Variants in AGAP1 observed in about 807,000 individuals in gnomAD.
AGAP1 encodes ArfGAP with GTPase domain, ankyrin repeat and PH domain 1.
AGAP1 carries 29 observed loss-of-function variants against 105.3 expected under a neutral mutation model. The ratio of observed to expected loss-of-function variants is 0.28; its 90% confidence interval spans 0.21 to 0.38. The LOEUF (loss-of-function observed/expected upper bound fraction) is 0.38, where lower values mean the gene tolerates loss of function less well. Ranked by LOEUF, AGAP1 falls within the 10% of genes least tolerant of loss-of-function variation. The probability of loss-of-function intolerance (pLI) is 1.00; values close to 1 mark genes in which losing one functional copy is unlikely to be tolerated. For synonymous variants in AGAP1, 509 were observed against 485.9 expected, an observed-to-expected ratio of 1.05 and a Z score of -0.63; for missense variants, 998 against 1,165.1, an observed-to-expected ratio of 0.86 and a Z score of 2.09.
intron 6 of AGAP1, chr2:235,774,152 T>G: frequency 2.6e-6 from 1 of 380,182 alleles, no homozygotes. Flanking sequence ...AAAATTCAAC[T>G]CATAAATAAA....
Position 235,732,939 on chromosome 2 carries a change from T to C in AGAP1, c.311-8024T>C, listed in dbSNP as rs1952034937. ...GCCCCAGGGGTGTTGGGGGCATCTTTCGAGTCTCACTGCCCACGCTGTGGG... is the reference window on the plus strand; with the variant it reads ...GCCCCAGGGGTGTTGGGGGCATCTTCCGAGTCTCACTGCCCACGCTGTGGG... On this transcript the variant is annotated intron_variant, in intron 3 of 17. Coordinates refer to ENST00000304032, the MANE Select transcript of AGAP1 (RefSeq NM_001037131.3). This position sits in a 1 kb window ranked among gnomAD's most constrained non-coding sequence, Gnocchi z 4.8. 6.6e-6 allele frequency among the ~76,000 whole-genome samples: 1 copy of C among 152,162 alleles called. No homozygotes were observed. Among genetic ancestry groups the C allele is most frequent in the Non-Finnish European group, 1.5e-5 (1 of 68,024 alleles).
chr2:235,680,145 C>T (rs1211002455), intron 1 of AGAP1, among the ~76,000 whole-genome samples: 1 of 152,178 alleles, frequency 6.6e-6, no homozygotes, highest in Non-Finnish European at 1.5e-5. Context: ...GGAGCTGGCC[C>T]CCTGGCTGAC....
intron 6 of AGAP1, among the ~76,000 whole-genome samples, chr2:235,767,365 A>G (rs930397697): frequency 1.3e-5 from 2 of 152,226 alleles, no homozygotes; most frequent in African/African-American, 2.4e-5. Context: ...GGTTGGGCGC[A>G]GGCTTCTCGT....
Position 235,897,963 on chromosome 2 carries a change from A to G in AGAP1, c.1156-10775A>G, listed in dbSNP as rs904436354. Among the ~76,000 whole-genome samples, 4 of 152,166 alleles carry G rather than the reference A, an allele frequency of 2.6e-5. 1 individual carries two copies. Among genetic ancestry groups the G allele is most frequent in the Middle Eastern group, 6.3e-3 (2 of 316 alleles). ...ACCAATCAAGGTGCGATTTATGTTC[A>G]TTAAGTGCTTGTCAAAACTGAAAAA... On this transcript the variant is annotated intron_variant, in intron 10 of 17. Coordinates refer to ENST00000304032, the MANE Select transcript of AGAP1 (RefSeq NM_001037131.3).
At chr2:235,857,398 T>TG (rs1361670778) in intron 9 of AGAP1, among the ~76,000 whole-genome samples, 1 of 152,132 alleles carries the variant, frequency 6.6e-6, no homozygotes, top group Non-Finnish European at 1.5e-5. Context: ...CCAAAAAGGT[T>TG]GGGGGCCGCT....
In AGAP1 at chr2:236,049,301, C is replaced by G. The variant is rs759187819; in HGVS notation, c.2114+20C>G. 22 of 1,598,618 alleles carry G rather than the reference C, an allele frequency of 1.4e-5. No individual in the cohort carries two copies. In the East Asian group the frequency reaches 4.5e-4, roughly 33 times the overall value. On this transcript the variant is annotated intron_variant, in intron 16 of 17. Transcript: ENST00000304032. The stretch of plus-strand genomic sequence containing the variant: ...CACAAGGTAGGAACTTTGGAAGATG[C>G]CTGGCTCCCGACACGTTTGCCAACA...
chr2:235,704,973 T>TC (rs1382630776), intron 1 of AGAP1, among the ~76,000 whole-genome samples: 1 of 59,120 alleles, frequency 1.7e-5, no homozygotes, highest in Non-Finnish European at 3.5e-5. Context: ...TTTTTTCTTT[T>TC]TTTTTTTTTT....
intron 12 of AGAP1, among the ~76,000 whole-genome samples, chr2:235,935,591 C>T (rs2125179802): frequency 6.6e-6 from 1 of 152,192 alleles, no homozygotes; most frequent in South Asian, 2.1e-4. Flanking sequence ...ACTGTAATGG[C>T]AGTAGTGAGC....
chr2:235,532,443 C>T (rs574312451), intron 1 of AGAP1, among the ~76,000 whole-genome samples: 17 of 152,082 alleles, frequency 1.1e-4, no homozygotes, highest in South Asian at 2.1e-4. Flanking sequence ...TGGGTTTAAG[C>T]GATCCTCCTG....
rs192322145 is a variant in AGAP1, at chr2:235,739,251, G to T, written c.311-1712G>T. Among the ~76,000 whole-genome samples, 3 of 152,244 alleles carry T rather than the reference G, an allele frequency of 2.0e-5. No individual in the cohort carries two copies. The highest frequency in any genetic ancestry group is 7.2e-5 in the African/African-American group (3 of 41,466). On this transcript the variant is annotated intron_variant, in intron 3 of 17. Transcript: ENST00000304032. The surrounding 1 kb of genome is among the most constrained non-coding windows in gnomAD (Gnocchi z 5.3). ...CCAGTATCGGGGTCTGGGGGCGACCGTCTGCAGCACCGTCACATACGTGGG... is the reference window on the plus strand; with the variant it reads ...CCAGTATCGGGGTCTGGGGGCGACCTTCTGCAGCACCGTCACATACGTGGG...
intron 10 of AGAP1, among the ~76,000 whole-genome samples, chr2:235,884,452 GTTT>G (rs35976413): frequency 1.6e-5 from 2 of 124,664 alleles, no homozygotes; most frequent in African/African-American, 3.1e-5. Flanking sequence ...ATTTTTCACT[GTTT>G]TTTTTTTTTT....
chr2:235,873,539 G>A (rs1325528281), intron 9 of AGAP1, among the ~76,000 whole-genome samples: 1 of 152,108 alleles, frequency 6.6e-6, no homozygotes, highest in Non-Finnish European at 1.5e-5. Flanking sequence ...TGCAGACATG[G>A]ACTCTCTGAC....
chr2:235,647,681 C>G (rs1383324015), intron 1 of AGAP1, among the ~76,000 whole-genome samples: 1 of 152,156 alleles, frequency 6.6e-6, no homozygotes, highest in African/African-American at 2.4e-5. Flanking sequence ...AGCCACCATG[C>G]CTGGCTGAGG....
rs1353395332 is a variant in AGAP1 at position 235,751,839 on chromosome 2, C to T, written c.673+1351C>T. 2.6e-5 allele frequency among the ~76,000 whole-genome samples: 4 copies of T among 152,200 alleles called. No individual in the cohort carries two copies. In the East Asian group the frequency reaches 5.8e-4, roughly 22 times the overall value. ...TGCCAATGCTGAAGAAGCGCAGGGTCCCCTGAGGATCAGCACAAAGTCGCT... is the reference window on the plus strand; with the variant it reads ...TGCCAATGCTGAAGAAGCGCAGGGTTCCCTGAGGATCAGCACAAAGTCGCT... On this transcript the variant is annotated intron_variant, in intron 6 of 17. Transcript: ENST00000304032. This position sits in a 1 kb window ranked among gnomAD's most constrained non-coding sequence, Gnocchi z 5.3.
rs1449248524 is a variant in AGAP1, at chr2:236,040,449, T to A, written c.1801-302T>A. Among the ~76,000 whole-genome samples, 1 of 152,176 alleles carries A rather than the reference T, an allele frequency of 6.6e-6. No individual in the cohort carries two copies. Among genetic ancestry groups the A allele is most frequent in the Non-Finnish European group, 1.5e-5 (1 of 68,042 alleles). ...AGGTTACCCATTTACCTTCTCCAGG[T>A]TACCATGGTCCATGCGTATTCACAG... On this transcript the variant is annotated intron_variant, in intron 14 of 17. Coordinates refer to ENST00000304032, the MANE Select transcript of AGAP1 (RefSeq NM_001037131.3). This position sits in a 1 kb window ranked among gnomAD's most constrained non-coding sequence, Gnocchi z 5.6.
chr2:236,100,745 G>A (rs2059326029), intron 16 of AGAP1, among the ~76,000 whole-genome samples: 1 of 151,610 alleles, frequency 6.6e-6, no homozygotes, highest in Non-Finnish European at 1.5e-5. Flanking sequence ...CAGGAGAATC[G>A]CTTAAGCCCA....
intron 1 of AGAP1, among the ~76,000 whole-genome samples, chr2:235,685,637 A>G (rs1224315047): frequency 6.6e-6 from 1 of 152,034 alleles, no homozygotes; most frequent in Non-Finnish European, 1.5e-5. Flanking sequence ...TTCAAAACAC[A>G]ATGAAAAATG....
chr2:235,763,658 C>T (rs771594994), intron 6 of AGAP1, among the ~76,000 whole-genome samples: 14 of 152,286 alleles, frequency 9.2e-5, no homozygotes, highest in South Asian at 6.2e-4. Context: ...CCTAATTCAG[C>T]GTTCTCCAGC....
At chr2:235,590,657 T>G (rs1945294980) in intron 1 of AGAP1, among the ~76,000 whole-genome samples, 1 of 146,540 alleles carries the variant, frequency 6.8e-6, no homozygotes, top group Non-Finnish European at 1.5e-5. Flanking sequence ...TTGTTTTGTT[T>G]TGTTTTAATG....
Sources: gnomAD v4.1 joint callset for allele counts (sites outside exome capture counted in the v4.1 genomes callset) on GRCh38, gnomAD v4.1.1 for gene constraint, Gnocchi (gnomAD v3.1) non-coding constraint, MANE v1.5 for transcripts, NCBI Gene and HGNC (gene_info 2026-07-23, HGNC 2026-07-21) for gene names.